CNTNAP2: variants seen among roughly 807,000 people sequenced by gnomAD.
CNTNAP2 encodes the protein contactin associated protein 2.
A neutral mutation model predicts 155.2 loss-of-function variants in CNTNAP2; 98 were observed. That is an observed-to-expected ratio of 0.63 (90% CI 0.54 to 0.75). CNTNAP2 has a LOEUF of 0.75. Ranked by LOEUF, CNTNAP2 falls within the 30% of genes least tolerant of loss-of-function variation. The probability of loss-of-function intolerance (pLI) is 0.00; values close to 1 mark genes in which losing one functional copy is unlikely to be tolerated. For missense variants in CNTNAP2, 1,727 were observed against 1,688.1 expected (o/e 1.02, Z -0.40); for synonymous variants, 651 against 631.2 (o/e 1.03, Z -0.47).
At chr7:147,924,968 A>G (rs1034597641) in intron 14 of CNTNAP2, among the ~76,000 whole-genome samples, 1 of 151,814 alleles carries the variant, frequency 6.6e-6, no homozygotes, top group Non-Finnish European at 1.5e-5. Context: ...ATACAAAAAA[A>G]TTTAGCCAGG....
intron 22 of CNTNAP2, among the ~76,000 whole-genome samples, chr7:148,395,403 C>G (rs1444898302): frequency 2.0e-5 from 3 of 152,064 alleles, no homozygotes; most frequent in Admixed American, 6.5e-5. Context: ...GCTGCCCCAG[C>G]CCCGCCTCCA....
At position 147,173,725 on chromosome 7, in the gene CNTNAP2, G is replaced by A. The variant is rs551154186; in HGVS notation, c.1348+41216G>A. On this transcript the variant is annotated intron_variant, in intron 8 of 23. Transcript: ENST00000361727. ...TCCACCCTAAATAAAACTTTCTTCC[G>A]AATTTCATTCAGAGATGACAAAAAT... 2.0e-5 allele frequency among the ~76,000 whole-genome samples: 3 copies of A among 152,194 alleles called. No individual in the cohort carries two copies. The South Asian group carries it at 6.2e-4, about 32-fold the overall frequency.
chr7:147,534,249 T>A (rs977320222), intron 11 of CNTNAP2, among the ~76,000 whole-genome samples: 6 of 152,174 alleles, frequency 3.9e-5, no homozygotes, highest in African/African-American at 1.2e-4. Context: ...TACAAAGCAC[T>A]GCAGAGCCCC....
chr7:146,381,839 GT>G (rs1233190014), intron 1 of CNTNAP2, among the ~76,000 whole-genome samples: 3 of 152,120 alleles, frequency 2.0e-5, no homozygotes, highest in African/African-American at 4.8e-5. Context: ...TTTACTGCTG[GT>G]CCGCTGGGCT....
intron 15 of CNTNAP2, among the ~76,000 whole-genome samples, chr7:148,084,386 G>C (rs1803675719): frequency 6.6e-6 from 1 of 152,174 alleles, no homozygotes; most frequent in Non-Finnish European, 1.5e-5. Context: ...AACAGTAGAG[G>C]CTTGGCTCTC....
At chr7:147,821,278 T>G (rs78058999) in intron 13 of CNTNAP2, among the ~76,000 whole-genome samples, 19,235 of 152,042 alleles carry the variant, frequency 0.13, 1,412 homozygotes, top group Admixed American at 0.21. Flanking sequence ...AAACATTGAG[T>G]GGGCAATTCA....
Position 148,420,611 on chromosome 7 carries a change from CAGTT to C in CNTNAP2, c.*4997_*5000del, listed in dbSNP as rs1465852582. 2.0e-5 allele frequency: 3 copies of C among 152,314 alleles called. No individual in the cohort carries two copies. Among genetic ancestry groups the C allele is most frequent in the African/African-American group, 7.2e-5 (3 of 41,452 alleles). 9.4% of individuals were successfully genotyped at this position (152,314 alleles called of 1,614,324 possible). ...GACAGTCTGCACCATTTCCAAGTCT[CAGTT>C]AATTTACAGCAACTGCTGCTTTCGG... On this transcript the variant is annotated 3_prime_UTR_variant, in exon 24 of 24. Coordinates refer to ENST00000361727, the MANE Select transcript of CNTNAP2 (RefSeq NM_014141.6).
chr7:147,447,763 C>A (rs1019475748), intron 10 of CNTNAP2, among the ~76,000 whole-genome samples: 8 of 151,674 alleles, frequency 5.3e-5, no homozygotes, highest in Admixed American at 1.3e-4. Flanking sequence ...TTTTTCTTTT[C>A]TTAATATTCT....
At chr7:147,630,316 T>TGAA (rs1286214301) in intron 12 of CNTNAP2, among the ~76,000 whole-genome samples, 1 of 73,078 alleles carries the variant, frequency 1.4e-5, no homozygotes, top group Admixed American at 1.4e-4. Context: ...GAAACAGTAG[T>TGAA]AAAAAAAAAA....
intron 1 of CNTNAP2, among the ~76,000 whole-genome samples, chr7:146,138,637 A>T (rs959412301): frequency 6.6e-6 from 1 of 151,980 alleles, no homozygotes; most frequent in Non-Finnish European, 1.5e-5. Context: ...AACATGTTTG[A>T]TCCTCTATAT....
intron 1 of CNTNAP2, among the ~76,000 whole-genome samples, chr7:146,504,536 T>C (rs1797353637): frequency 1.3e-5 from 2 of 152,180 alleles, no homozygotes; most frequent in South Asian, 4.1e-4. Flanking sequence ...ACATCATCTG[T>C]CAACAGAAGG....
At chr7:147,839,740 C>T (rs1275050847) in intron 13 of CNTNAP2, among the ~76,000 whole-genome samples, 3 of 151,990 alleles carry the variant, frequency 2.0e-5, no homozygotes, top group African/African-American at 7.3e-5. Context: ...TACTACTGGG[C>T]GTCTACTCAG....
intron 1 of CNTNAP2, among the ~76,000 whole-genome samples, chr7:146,334,174 G>A (rs575279427): frequency 6.6e-6 from 1 of 152,280 alleles, no homozygotes; most frequent in African/African-American, 2.4e-5. Flanking sequence ...GCTCACGCCT[G>A]TAATCCCAGC....
chr7:146,507,261 T>C (rs1797398332), intron 1 of CNTNAP2, among the ~76,000 whole-genome samples: 1 of 152,214 alleles, frequency 6.6e-6, no homozygotes, highest in South Asian at 2.1e-4. Flanking sequence ...CTCACCTCCA[T>C]TCCAAAGTTG....
intron 1 of CNTNAP2, among the ~76,000 whole-genome samples, chr7:146,335,101 GC>G (rs1357832801): frequency 6.6e-6 from 1 of 152,098 alleles, no homozygotes; most frequent in Non-Finnish European, 1.5e-5. Flanking sequence ...TCTGCCAGTG[GC>G]CAAATGCTCA....
At chr7:147,124,301 C>T (rs968341934) in intron 6 of CNTNAP2, among the ~76,000 whole-genome samples, 2 of 152,160 alleles carry the variant, frequency 1.3e-5, no homozygotes, top group African/African-American at 4.8e-5. Context: ...GTCCTGCTTC[C>T]CCAAGATTAT....
intron 10 of CNTNAP2, among the ~76,000 whole-genome samples, chr7:147,421,585 CTGTGTGTGTGTG>C (rs55983110): frequency 7.0e-6 from 1 of 143,540 alleles, no homozygotes; most frequent in Non-Finnish European, 1.5e-5. Context: ...TCTATCTAAT[CTGTGTGTGTGTG>C]TGTGTGTGTG....
chr7:148,132,112 T>TA (rs1160246861), intron 16 of CNTNAP2, among the ~76,000 whole-genome samples: 1 of 152,196 alleles, frequency 6.6e-6, no homozygotes, highest in Non-Finnish European at 1.5e-5. Flanking sequence ...CCTCAATCTA[T>TA]AAAAATTTTA....
intron 11 of CNTNAP2, among the ~76,000 whole-genome samples, chr7:147,491,450 C>T (rs2116648837): frequency 6.7e-6 from 1 of 148,732 alleles, no homozygotes; most frequent in African/African-American, 2.4e-5. Flanking sequence ...ATCAAATCCT[C>T]TTATTCTAAA....
Sources: gnomAD v4.1 joint callset for allele counts (sites outside exome capture counted in the v4.1 genomes callset) on GRCh38, gnomAD v4.1.1 for gene constraint, MANE v1.5 for transcripts, NCBI Gene and HGNC (gene_info 2026-07-23, HGNC 2026-07-21) for gene names.